The following MICU3 variants were observed in gnomAD, a reference collection of about 807,000 sequenced individuals.
The protein encoded by MICU3 is mitochondrial calcium uptake 3, also known as calcium uptake protein 3, mitochondrial.
A neutral mutation model predicts 66.5 loss-of-function variants in MICU3; 62 were observed. The observed-to-expected ratio is 0.93, with a 90% CI of 0.76 to 1.15. The LOEUF is 1.15. MICU3 is among the 50% of genes most tolerant of loss of function. MICU3 has a pLI of 0.00. For missense variants in MICU3, 779 were observed against 664.4 expected, an observed-to-expected ratio of 1.17 and a Z score of -1.90; for synonymous variants, 308 against 240.7, an observed-to-expected ratio of 1.28 and a Z score of -2.59.
intron 3 of MICU3, among the ~76,000 whole-genome samples, chr8:17,076,027 GT>G (rs1231767670): frequency 2.0e-5 from 3 of 151,970 alleles, no homozygotes; most frequent in African/African-American, 7.2e-5. Context: ...TGTTTTTTAA[GT>G]TTTTTTATAT....
intron 3 of MICU3, among the ~76,000 whole-genome samples, chr8:17,076,034 T>A (rs1432564152): frequency 2.0e-5 from 3 of 152,170 alleles, no homozygotes; most frequent in East Asian, 3.8e-4. Context: ...TAAGTTTTTT[T>A]ATATTTTTTT....
At chr8:17,062,570 A>G (rs376071629) in intron 1 of MICU3, among the ~76,000 whole-genome samples, 66 of 152,192 alleles carry the variant, frequency 4.3e-4, no homozygotes, top group African/African-American at 1.5e-3. Context: ...ATTCTTGCCA[A>G]AAGTTTCTTT....
At chr8:17,087,868 C>T (rs1026733148) in intron 7 of MICU3, among the ~76,000 whole-genome samples, 2 of 151,964 alleles carry the variant, frequency 1.3e-5, no homozygotes, top group African/African-American at 4.8e-5. Context: ...ACTTAGATAA[C>T]CAGAAATACA....
chr8:17,100,737 G>A (rs562942740), intron 9 of MICU3, among the ~76,000 whole-genome samples: 23 of 151,660 alleles, frequency 1.5e-4, no homozygotes, highest in Middle Eastern at 3.4e-3. Context: ...GTAAAACTCC[G>A]TGTCTCCAAT....
chr8:17,077,938 C>A, intron 4 of MICU3, 77 bp downstream of exon 4: 2 of 867,770 alleles, frequency 2.3e-6, no homozygotes, highest in Admixed American at 3.0e-5. Context: ...TTTCCCATAC[C>A]TAAAATAATT....
chr8:17,091,278 C>G lies in MICU3; in HGVS notation c.888+694C>G, dbSNP rs142612048. Reference sequence around the variant, plus strand: ...GAGAAAGTCAGCACTTTTGGTTAGCCCAGCTGCTAAAGGAGAACAGGCCAT... The same window carrying G: ...GAGAAAGTCAGCACTTTTGGTTAGCGCAGCTGCTAAAGGAGAACAGGCCAT... On this transcript the variant is annotated intron_variant, in intron 8 of 14. Transcript: ENST00000318063. Among the ~76,000 whole-genome samples the G allele has an allele frequency of 5.4e-3, 820 of 152,082 alleles. 8 individuals are homozygous for G. Among genetic ancestry groups the G allele is most frequent in the African/African-American group, 0.016 (645 of 41,498 alleles).
intron 9 of MICU3, among the ~76,000 whole-genome samples, chr8:17,099,946 A>T (rs894207317): frequency 1.3e-5 from 2 of 151,792 alleles, no homozygotes; most frequent in African/African-American, 4.8e-5. Flanking sequence ...ATTTAATTTA[A>T]ATCTTGGGAA....
At chr8:17,079,469 C>T (rs919489951) in intron 4 of MICU3, among the ~76,000 whole-genome samples, 3 of 151,888 alleles carry the variant, frequency 2.0e-5, no homozygotes, top group Non-Finnish European at 4.4e-5. Flanking sequence ...TTTTAAATAG[C>T]GATTAAGTGG....
chr8:17,125,765 G>A (rs1054086897), downstream of MICU3, among the ~76,000 whole-genome samples: 2 of 151,968 alleles, frequency 1.3e-5, no homozygotes, highest in Non-Finnish European at 1.5e-5. Context: ...AGGCACGATC[G>A]CTCACACCTG....
intron 1 of MICU3, chr8:17,049,609 T>A (rs775618693): frequency 5.8e-6 from 3 of 518,776 alleles, no homozygotes; most frequent in South Asian, 4.2e-5. Flanking sequence ...GAAGCTGGCA[T>A]TTGAACGTAG....
At chr8:17,129,451 T>G in the MICU3 span, among the ~76,000 whole-genome samples, 2 of 151,992 alleles carry the variant, frequency 1.3e-5, no homozygotes, top group Non-Finnish European at 2.9e-5. Flanking sequence ...GACAGAACAA[T>G]GAAAACTATA....
intron 1 of MICU3, among the ~76,000 whole-genome samples, chr8:17,063,299 T>C (rs1563315343): frequency 6.6e-6 from 1 of 152,178 alleles, no homozygotes; most frequent in African/African-American, 2.4e-5. Flanking sequence ...GATCAGGTTA[T>C]TGAAGCATGT....
chr8:17,115,895 A>C (rs1374005996), intron 12 of MICU3, among the ~76,000 whole-genome samples: 1 of 152,074 alleles, frequency 6.6e-6, no homozygotes, highest in Non-Finnish European at 1.5e-5. Flanking sequence ...GCCTTGGTTC[A>C]TTCATGTCAT....
the MICU3 span, among the ~76,000 whole-genome samples, chr8:17,138,295 T>C: frequency 6.6e-6 from 1 of 152,014 alleles, no homozygotes; most frequent in African/African-American, 2.4e-5. Context: ...AAATAGATAA[T>C]AGCAAGATGT....
chr8:17,136,843 T>G, the MICU3 span, among the ~76,000 whole-genome samples: 1 of 151,604 alleles, frequency 6.6e-6, no homozygotes, highest in African/African-American at 2.4e-5. Context: ...AAACCTTTTT[T>G]TTTTTTTTTT....
At chr8:17,067,147 G>A (rs537331936) in intron 2 of MICU3, among the ~76,000 whole-genome samples, 7 of 152,236 alleles carry the variant, frequency 4.6e-5, no homozygotes, top group East Asian at 1.9e-4. Flanking sequence ...GAAAGTTGGG[G>A]TTTTAGAAAA....
intron 2 of MICU3, among the ~76,000 whole-genome samples, chr8:17,064,743 T>C (rs1192605171): frequency 6.6e-6 from 1 of 152,226 alleles, no homozygotes; most frequent in East Asian, 1.9e-4. Context: ...GACAGCTGTA[T>C]TCTCATGTGT....
intron 11 of MICU3, among the ~76,000 whole-genome samples, chr8:17,107,316 C>T (rs777406579): frequency 9.9e-5 from 15 of 152,026 alleles, no homozygotes; most frequent in African/African-American, 3.6e-4. Flanking sequence ...ATGAGCTATG[C>T]GAAGTTCTGG....
chr8:17,062,727 A>T (rs1006552342), intron 1 of MICU3, among the ~76,000 whole-genome samples: 2 of 152,144 alleles, frequency 1.3e-5, no homozygotes, highest in Admixed American at 6.6e-5. Context: ...AGACAGTTTG[A>T]CTAAAAAGTC....
Sources: gnomAD v4.1 joint callset for allele counts (sites outside exome capture counted in the v4.1 genomes callset) on GRCh38, gnomAD v4.1.1 for gene constraint, MANE v1.5 for transcripts, NCBI Gene and HGNC (gene_info 2026-07-23, HGNC 2026-07-21) for gene names.